The following SMOC2 variants were observed in gnomAD, a reference collection of about 807,000 sequenced individuals.
SMOC2 encodes the protein SPARC related modular calcium binding 2.
A neutral mutation model predicts 61.4 loss-of-function variants in SMOC2; 39 were observed. The observed-to-expected ratio is 0.64, with a 90% CI of 0.49 to 0.83. SMOC2 has a LOEUF of 0.83. Among genes scored for constraint, SMOC2 ranks in the 40% least tolerant of loss-of-function variants. The pLI is 0.00. For missense variants in SMOC2, 556 were observed against 592.9 expected, an observed-to-expected ratio of 0.94 and a Z score of 0.65; for synonymous variants, 247 against 239.9, an observed-to-expected ratio of 1.03 and a Z score of -0.27.
intron 11 of SMOC2, among the ~76,000 whole-genome samples, chr6:168,657,665 A>G (rs1583192663): frequency 6.6e-6 from 1 of 152,238 alleles, no homozygotes; most frequent in South Asian, 2.1e-4. Context: ...TATGAACACA[A>G]ACGTATTAGC....
intron 2 of SMOC2, among the ~76,000 whole-genome samples, chr6:168,517,672 G>A (rs1166653449): frequency 6.6e-6 from 1 of 152,250 alleles, no homozygotes; most frequent in Non-Finnish European, 1.5e-5. Flanking sequence ...TTTCCTGAGA[G>A]CACGGCAATG....
chr6:168,532,144 G>C (rs1783620424), intron 4 of SMOC2, among the ~76,000 whole-genome samples: 1 of 151,952 alleles, frequency 6.6e-6, no homozygotes, highest in African/African-American at 2.4e-5. Flanking sequence ...GATGGCTTTA[G>C]GGCAGGTGTT....
intron 7 of SMOC2, among the ~76,000 whole-genome samples, chr6:168,571,364 C>A (rs1784661066): frequency 6.6e-6 from 1 of 152,134 alleles, no homozygotes; most frequent in Admixed American, 6.5e-5. Context: ...ATGCCTGTGC[C>A]GTCGGCAAAT....
chr6:168,629,304 A>T (rs76954779), intron 9 of SMOC2, among the ~76,000 whole-genome samples: 2 of 152,174 alleles, frequency 1.3e-5, no homozygotes, highest in African/African-American at 2.4e-5. Context: ...CTGTCTTTTG[A>T]TTCTTCCCAC....
intron 9 of SMOC2, among the ~76,000 whole-genome samples, chr6:168,613,299 C>T (rs1785937123): frequency 6.6e-6 from 1 of 152,144 alleles, no homozygotes. Flanking sequence ...CAGGTGAAAA[C>T]AGCACTGTCT....
At chr6:168,477,948 G>A (rs1054824508) in intron 1 of SMOC2, among the ~76,000 whole-genome samples, 4 of 152,152 alleles carry the variant, frequency 2.6e-5, no homozygotes, top group African/African-American at 9.7e-5. Context: ...AGCTTCTCCA[G>A]GAGAAAACTG....
intron 1 of SMOC2, among the ~76,000 whole-genome samples, chr6:168,496,549 C>T (rs944776252): frequency 1.2e-4 from 18 of 152,204 alleles, no homozygotes; most frequent in African/African-American, 3.9e-4. Flanking sequence ...GAGTTGCAGA[C>T]GGGACCAATC....
chr6:168,596,348 G>A (rs1304008642), intron 7 of SMOC2, among the ~76,000 whole-genome samples: 2 of 147,216 alleles, frequency 1.4e-5, no homozygotes, highest in African/African-American at 2.5e-5. Flanking sequence ...ATGTGAACAC[G>A]GCAGTGATGA....
intron 1 of SMOC2, among the ~76,000 whole-genome samples, chr6:168,458,213 C>T (rs892716793): frequency 1.4e-4 from 22 of 152,188 alleles, no homozygotes; most frequent in Non-Finnish European, 2.5e-4. Flanking sequence ...TGGGATCCAG[C>T]AGCCTCTCTG....
At chr6:168,499,493 A>G (rs1782675305) in intron 1 of SMOC2, among the ~76,000 whole-genome samples, 1 of 152,184 alleles carries the variant, frequency 6.6e-6, no homozygotes, top group Non-Finnish European at 1.5e-5. Flanking sequence ...TGAGCTATAC[A>G]TGAGCTATGA....
chr6:168,657,003 A>G (rs550478013), intron 11 of SMOC2, among the ~76,000 whole-genome samples: 24 of 152,338 alleles, frequency 1.6e-4, no homozygotes, highest in African/African-American at 5.8e-4. Context: ...GTCTCCATCA[A>G]GGACTCTTTG....
chr6:168,560,368 A>G (rs1251982866), intron 7 of SMOC2, among the ~76,000 whole-genome samples: 1 of 152,282 alleles, frequency 6.6e-6, no homozygotes, highest in Non-Finnish European at 1.5e-5. Context: ...CGTCTGCATC[A>G]AAACACAGAA....
chr6:168,461,185 G>T (rs977086289), intron 1 of SMOC2, among the ~76,000 whole-genome samples: 2 of 152,150 alleles, frequency 1.3e-5, no homozygotes, highest in Non-Finnish European at 2.9e-5. Context: ...TTGTGCAGGG[G>T]TACTCCCGTT....
chr6:168,479,667 A>G (rs984313213), intron 1 of SMOC2, among the ~76,000 whole-genome samples: 1 of 152,268 alleles, frequency 6.6e-6, no homozygotes, highest in African/African-American at 2.4e-5. Context: ...AACAGGCTGC[A>G]TGCAGTTTGT....
At chr6:168,629,834 C>T (rs570217703) in intron 9 of SMOC2, among the ~76,000 whole-genome samples, 26 of 152,300 alleles carry the variant, frequency 1.7e-4, no homozygotes, top group South Asian at 6.2e-4. Context: ...TTTAAAGCTC[C>T]GCTGAAGTGT....
intron 8 of SMOC2, among the ~76,000 whole-genome samples, chr6:168,599,587 A>ACCCACACACACATACC: frequency 1.0e-5 from 1 of 99,354 alleles, no homozygotes; most frequent in Non-Finnish European, 1.9e-5. Flanking sequence ...TACCACACAC[A>ACCCACACACACATACC]CCCACACATA....
chr6:168,571,847 G>GGGGACTTGGCTGA (rs1784674855), intron 7 of SMOC2, among the ~76,000 whole-genome samples: 1 of 140,506 alleles, frequency 7.1e-6, no homozygotes, highest in African/African-American at 2.6e-5. Context: ...CGTGCTCCCT[G>GGGGACTTGGCTGA]AACGCGATGT....
At chr6:168,517,844 C>T (rs757633922) in intron 2 of SMOC2, among the ~76,000 whole-genome samples, 5 of 150,524 alleles carry the variant, frequency 3.3e-5, no homozygotes, top group Non-Finnish European at 7.4e-5. Flanking sequence ...GGGGCCTGGG[C>T]GGTGGAGGGC....
chr6:168,606,631 C>T (rs981722855), intron 8 of SMOC2, among the ~76,000 whole-genome samples: 3 of 152,148 alleles, frequency 2.0e-5, no homozygotes, highest in African/African-American at 7.2e-5. Flanking sequence ...CTAAAGTGAT[C>T]TCTGTGAAGT....
Sources: allele counts gnomAD v4.1 joint callset (sites outside exome capture counted in the v4.1 genomes callset), GRCh38; gene constraint gnomAD v4.1.1; transcripts MANE v1.5; gene names NCBI Gene and HGNC (gene_info 2026-07-23, HGNC 2026-07-21).